Variants in EIF2AK2 observed in about 807,000 individuals in gnomAD.
EIF2AK2 encodes the protein interferon-induced, double-stranded RNA-activated protein kinase.
A neutral mutation model predicts 70.5 loss-of-function variants in EIF2AK2; 40 were observed. The observed-to-expected ratio is 0.57, with a 90% CI of 0.44 to 0.74. The LOEUF (loss-of-function observed/expected upper bound fraction) is 0.74. Among genes scored for constraint, EIF2AK2 ranks in the 30% least tolerant of loss-of-function variants. EIF2AK2 has a pLI of 0.00. For missense variants in EIF2AK2, 555 were observed against 644.3 expected, an observed-to-expected ratio of 0.86 and a Z score of 1.50; for synonymous variants, 198 against 220.9, an observed-to-expected ratio of 0.90 and a Z score of 0.92.
rs1438818718 is a variant in EIF2AK2, at chr2:37,101,075, C to G, written c.*6198G>C. The G allele has an allele frequency of 6.6e-6, 1 of 152,248 alleles. No homozygotes were observed. Among genetic ancestry groups the G allele is most frequent in the African/African-American group, 2.4e-5 (1 of 41,452 alleles). The allele number at this position is 152,248 out of a possible 1,614,324, so 9.4% of individuals were successfully genotyped here. ...AATTAGTTGCCAACTCCTCTTGGTTCTGTCCTCTTATTGTTCAGGCCCTCT... is the reference window on the plus strand; with the variant it reads ...AATTAGTTGCCAACTCCTCTTGGTTGTGTCCTCTTATTGTTCAGGCCCTCT... On this transcript the variant is annotated 3_prime_UTR_variant, in exon 17 of 17. Coordinates refer to ENST00000233057, the MANE Select transcript of EIF2AK2 (RefSeq NM_001135651.3).
chr2:37,126,872 G>A (rs1453521669), intron 10 of EIF2AK2, among the ~76,000 whole-genome samples: 1 of 147,946 alleles, frequency 6.8e-6, no homozygotes, highest in Non-Finnish European at 1.5e-5. Context: ...CAGGAGAATT[G>A]CTTGAATCTG....
intron 13 of EIF2AK2, among the ~76,000 whole-genome samples, chr2:37,116,759 G>A (rs1674355832): frequency 6.6e-6 from 1 of 152,230 alleles, no homozygotes; most frequent in African/African-American, 2.4e-5. Flanking sequence ...GTTGCAATGT[G>A]TAGGAATATG....
chr2:37,118,156 C>A (rs1232656917), intron 13 of EIF2AK2, among the ~76,000 whole-genome samples: 4 of 149,774 alleles, frequency 2.7e-5, no homozygotes, highest in African/African-American at 7.3e-5. Flanking sequence ...AAAAAAAAAA[C>A]ACACAAAAAT....
At chr2:37,142,313 T>C (rs1675362559) in intron 4 of EIF2AK2, among the ~76,000 whole-genome samples, 1 of 151,998 alleles carries the variant, frequency 6.6e-6, no homozygotes, top group South Asian at 2.1e-4. Flanking sequence ...TTGTATTTTT[T>C]GTAGAGACAG....
chr2:37,142,355 A>G (rs543359150), intron 4 of EIF2AK2, among the ~76,000 whole-genome samples: 2 of 151,688 alleles, frequency 1.3e-5, no homozygotes, highest in Non-Finnish European at 2.9e-5. Flanking sequence ...CTGTTCTCGA[A>G]CTCCTAAGCT....
At chr2:37,129,093 G>A (rs776091118) in intron 10 of EIF2AK2, among the ~76,000 whole-genome samples, 1 of 151,858 alleles carries the variant, frequency 6.6e-6, no homozygotes, top group African/African-American at 2.4e-5. Flanking sequence ...TTAGAGGAGG[G>A]CCCCCAGACA....
chr2:37,123,433 AT>A (rs1240077933), intron 11 of EIF2AK2, among the ~76,000 whole-genome samples: 1 of 150,922 alleles, frequency 6.6e-6, no homozygotes, highest in African/African-American at 2.4e-5. Flanking sequence ...CACCCATCTA[AT>A]TTTTTCTATT....
rs4648242 is a variant in EIF2AK2, at chr2:37,108,692, CCT to C, written c.1479+500_1479+501del. On this transcript the variant is annotated intron_variant, in intron 15 of 16. Transcript: ENST00000233057. ...TCAAGCGATTCTCCTGCCTCAGCCC[CCT>C]GAGTAGTTGGGATTACAGGTGTGCA... is the stretch of plus-strand genomic sequence containing the variant. Among the ~76,000 whole-genome samples, 276 of 152,270 alleles carry C rather than the reference CCT, an allele frequency of 1.8e-3. 2 individuals are homozygous for C. Among genetic ancestry groups the C allele is most frequent in the African/African-American group, 6.2e-3 (257 of 41,548 alleles).
chr2:37,113,565 C>A, intron 14 of EIF2AK2, among the ~76,000 whole-genome samples: 1 of 138,924 alleles, frequency 7.2e-6, no homozygotes, highest in South Asian at 2.4e-4. Context: ...AAGTAACAAT[C>A]AAGGAGAAAA....
At chr2:37,146,589 C>T (rs1675547032) in intron 4 of EIF2AK2, among the ~76,000 whole-genome samples, 1 of 152,182 alleles carries the variant, frequency 6.6e-6, no homozygotes, top group East Asian at 1.9e-4. Flanking sequence ...CACTTCTCAC[C>T]TTTCCATATT....
At chr2:37,138,007 G>T (rs548674286) in intron 8 of EIF2AK2, among the ~76,000 whole-genome samples, 1 of 151,836 alleles carries the variant, frequency 6.6e-6, no homozygotes, top group East Asian at 1.9e-4. Flanking sequence ...CTACTCAGGA[G>T]GCTGAGGCAG....
At chr2:37,109,511 TCA>T (rs1558406481) in intron 14 of EIF2AK2, 6 of 483,296 alleles carry the variant, frequency 1.2e-5, no homozygotes, top group Non-Finnish European at 2.2e-5. Context: ...GGGAATAATC[TCA>T]GTTATAAAAC....
chr2:37,108,974 G>GATGTACT (rs2148663372), intron 15 of EIF2AK2, among the ~76,000 whole-genome samples: 1 of 152,332 alleles, frequency 6.6e-6, no homozygotes, highest in East Asian at 1.9e-4. Context: ...AGTCTTATGA[G>GATGTACT]ATGTACTACC....
Position 37,154,712 on chromosome 2 carries a change from C to T in EIF2AK2, c.-184+2196G>A, listed in dbSNP as rs531095377. Among the ~76,000 whole-genome samples the T allele has an allele frequency of 2.6e-5, 4 of 152,204 alleles. No individual in the cohort carries two copies. The South Asian group carries it at 8.3e-4, about 32-fold the overall frequency. ...AGTAGCTGGGATTACAGGCGCCCAC[C>T]ACCACGCCCGGCTAATTTTTTATAT... On this transcript the variant is annotated intron_variant, in intron 1 of 16. Coordinates refer to ENST00000233057, the MANE Select transcript of EIF2AK2 (RefSeq NM_001135651.3).
intron 14 of EIF2AK2, among the ~76,000 whole-genome samples, chr2:37,113,726 A>G (rs1293879724): frequency 1.3e-5 from 2 of 152,138 alleles, no homozygotes; most frequent in Admixed American, 1.3e-4. Context: ...AAATATATGA[A>G]AAGAGGGCAT....
Position 37,107,464 on chromosome 2 carries a change from A to C in EIF2AK2, c.1533+10T>G. 2 of 1,612,176 alleles carry C rather than the reference A, an allele frequency of 1.2e-6. No individual in the cohort carries two copies. Among genetic ancestry groups the C allele is most frequent in the Non-Finnish European group, 8.5e-7 (1 of 1,179,546 alleles). On this transcript the variant is annotated intron_variant, in intron 16 of 16. Coordinates refer to ENST00000233057, the MANE Select transcript of EIF2AK2 (RefSeq NM_001135651.3). ...AATAAATAAAATTCTGATGATTTTCAAGTGCTTACTTCTTTTTTATCAAAT... is the reference window on the plus strand; with the variant it reads ...AATAAATAAAATTCTGATGATTTTCCAGTGCTTACTTCTTTTTTATCAAAT...
At chr2:37,141,309 T>C (rs2287350) in intron 5 of EIF2AK2, among the ~76,000 whole-genome samples, 46,823 of 152,082 alleles carry the variant, frequency 0.31, 8,268 homozygotes, top group Non-Finnish European at 0.39. Flanking sequence ...GACTAAACCA[T>C]CCAGCTACTT....
intron 14 of EIF2AK2, among the ~76,000 whole-genome samples, chr2:37,113,624 A>G (rs1177339773): frequency 6.6e-6 from 1 of 152,198 alleles, no homozygotes; most frequent in East Asian, 1.9e-4. Flanking sequence ...AATATAGATC[A>G]AGATTCCTTA....
intron 14 of EIF2AK2, among the ~76,000 whole-genome samples, chr2:37,110,633 G>A (rs1459399648): frequency 2.0e-5 from 3 of 152,134 alleles, no homozygotes; most frequent in South Asian, 4.1e-4. Flanking sequence ...CAAACCATCA[G>A]ATAGCTCAGT....
Sources: gnomAD v4.1 joint callset for allele counts (sites outside exome capture counted in the v4.1 genomes callset) on GRCh38, gnomAD v4.1.1 for gene constraint, MANE v1.5 for transcripts, NCBI Gene and HGNC (gene_info 2026-07-23, HGNC 2026-07-21) for gene names.